The following KIAA1328 variants were observed in gnomAD, a reference collection of about 807,000 sequenced individuals.
The protein encoded by KIAA1328 is protein hinderin.
In KIAA1328, 52 loss-of-function variants were observed where a neutral mutation model predicts 68.1. The observed-to-expected ratio is 0.76, with a 90% confidence interval of 0.61 to 0.96. KIAA1328 has a LOEUF of 0.96. Ranked by LOEUF, KIAA1328 falls within the 40% of genes least tolerant of loss-of-function variation. KIAA1328 has a pLI of 0.00. For missense variants in KIAA1328, 641 were observed against 677.6 expected, an observed-to-expected ratio of 0.95 and a Z score of 0.60; for synonymous variants, 232 against 239.4, an observed-to-expected ratio of 0.97 and a Z score of 0.28.
chr18:36,947,082 T>G (rs1450355861), intron 5 of KIAA1328, among the ~76,000 whole-genome samples: 1 of 152,108 alleles, frequency 6.6e-6, no homozygotes, highest in African/African-American at 2.4e-5. Flanking sequence ...GAGAATCGCT[T>G]GAACTTGGGA....
intron 7 of KIAA1328, among the ~76,000 whole-genome samples, chr18:37,085,809 T>A (rs2057085432): frequency 1.3e-5 from 2 of 152,072 alleles, no homozygotes; most frequent in South Asian, 4.2e-4. Context: ...TTTTTCCCTC[T>A]CCTCCCTCTC....
At chr18:36,853,495 G>C (rs1340657967) in intron 4 of KIAA1328, among the ~76,000 whole-genome samples, 1 of 151,220 alleles carries the variant, frequency 6.6e-6, no homozygotes. Context: ...GGTTACCCTG[G>C]GGTTTACAGT....
intron 7 of KIAA1328, 101 bp downstream of exon 7, chr18:37,067,646 C>T (rs745862712): frequency 3.0e-5 from 38 of 1,249,122 alleles, no homozygotes; most frequent in African/African-American, 1.4e-4. Context: ...CTGCAGCCTC[C>T]GCCTCCCGAG....
chr18:36,917,313 G>T (rs764804967), intron 5 of KIAA1328, among the ~76,000 whole-genome samples: 1 of 152,224 alleles, frequency 6.6e-6, no homozygotes, highest in South Asian at 2.1e-4. Context: ...CACCCTGGCA[G>T]CTCAAGCAAT....
At chr18:37,016,149 CTTA>C (rs1321264087) in intron 6 of KIAA1328, among the ~76,000 whole-genome samples, 4 of 152,056 alleles carry the variant, frequency 2.6e-5, no homozygotes, top group African/African-American at 4.8e-5. Flanking sequence ...TTAGATAGCT[CTTA>C]TTATTTTGAG....
intron 9 of KIAA1328, among the ~76,000 whole-genome samples, chr18:37,179,923 A>G (rs1450688494): frequency 6.6e-6 from 1 of 152,028 alleles, no homozygotes; most frequent in Non-Finnish European, 1.5e-5. Context: ...TTCGTTTCCC[A>G]TATCACACTG....
chr18:37,007,976 A>G (rs756046333), intron 6 of KIAA1328, among the ~76,000 whole-genome samples: 34 of 152,184 alleles, frequency 2.2e-4, no homozygotes, highest in Non-Finnish European at 4.4e-4. Context: ...TTCAGTTGTG[A>G]AGGCAACAGT....
chr18:37,005,017 A>G (rs1184288148), intron 6 of KIAA1328, among the ~76,000 whole-genome samples: 1 of 152,068 alleles, frequency 6.6e-6, no homozygotes, highest in Non-Finnish European at 1.5e-5. Context: ...CAAATATTGT[A>G]TGTTCTTACT....
intron 7 of KIAA1328, chr18:37,075,022 C>T (rs1263085832): frequency 6.6e-6 from 1 of 151,742 alleles, no homozygotes; most frequent in East Asian, 1.9e-4. Context: ...CTCCAAGACA[C>T]ATAATTGTCA....
At chr18:37,100,964 C>G (rs2057594303) in intron 7 of KIAA1328, among the ~76,000 whole-genome samples, 1 of 152,194 alleles carries the variant, frequency 6.6e-6, no homozygotes. Context: ...AGGGTCCTGA[C>G]TGTTAGAAGG....
chr18:36,942,095 A>G (rs977272480), intron 5 of KIAA1328, among the ~76,000 whole-genome samples: 1 of 152,264 alleles, frequency 6.6e-6, no homozygotes, highest in Non-Finnish European at 1.5e-5. Flanking sequence ...AAAATGGTAT[A>G]GGGAAGGTTG....
At chr18:37,016,722 C>T (rs1377560182) in intron 6 of KIAA1328, among the ~76,000 whole-genome samples, 1 of 152,080 alleles carries the variant, frequency 6.6e-6, no homozygotes, top group Non-Finnish European at 1.5e-5. Flanking sequence ...GGAATTTCTC[C>T]ATTTCCTCTA....
chr18:37,004,457 G>T (rs555213795), intron 6 of KIAA1328, among the ~76,000 whole-genome samples: 2 of 152,098 alleles, frequency 1.3e-5, no homozygotes, highest in South Asian at 4.1e-4. Context: ...GACATGAATA[G>T]ACAATTCTCA....
At chr18:37,134,358 G>C (rs935415513) in intron 7 of KIAA1328, among the ~76,000 whole-genome samples, 1 of 151,962 alleles carries the variant, frequency 6.6e-6, no homozygotes, top group Non-Finnish European at 1.5e-5. Context: ...TATATAGGTC[G>C]TATCTGTTTA....
chr18:36,981,262 GAA>G (rs920965404), intron 6 of KIAA1328, among the ~76,000 whole-genome samples: 1 of 152,208 alleles, frequency 6.6e-6, no homozygotes, highest in African/African-American at 2.4e-5. Context: ...AATCAGAAAA[GAA>G]AGATCTAAGT....
chr18:37,043,141 G>T lies in KIAA1328; in HGVS notation c.577-23749G>T, dbSNP rs192134864. Among the ~76,000 whole-genome samples the T allele has an allele frequency of 5.6e-4, 85 of 152,072 alleles. No individual in the cohort carries two copies. In the East Asian group the frequency reaches 0.014, roughly 25 times the overall value. The stretch of plus-strand genomic sequence containing the variant: ...AGATTGTCTATTTGTTGCCATTGTT[G>T]TACTTACCTTTAATTCTTAAAATGT... On this transcript the variant is annotated intron_variant, in intron 6 of 9. Transcript: ENST00000280020.
rs2060291266 is a variant in KIAA1328, at chr18:37,210,223, A to G, written c.1524-11794A>G. Among the ~76,000 whole-genome samples the G allele has an allele frequency of 2.0e-5, 3 of 152,176 alleles. No homozygotes were observed. The South Asian group carries it at 6.2e-4, about 32-fold the overall frequency. ...TTCTTGAATTGGTAACGTGGAGTCA[A>G]GTCAAATCAGCAGAGGCTACGTCCT... On this transcript the variant is annotated intron_variant, in intron 9 of 9. Transcript: ENST00000280020.
At chr18:36,844,945 A>G (rs2046978081) in intron 4 of KIAA1328, among the ~76,000 whole-genome samples, 1 of 151,880 alleles carries the variant, frequency 6.6e-6, no homozygotes, top group Non-Finnish European at 1.5e-5. Context: ...CATACCTAAA[A>G]GTTGATAAAA....
chr18:36,844,362 A>G lies in KIAA1328; in HGVS notation c.332+60A>G, dbSNP rs868191771. 10 of 1,098,590 alleles carry G rather than the reference A, an allele frequency of 9.1e-6. No homozygotes were observed. In the Middle Eastern group the frequency reaches 8.3e-4, roughly 91 times the overall value. The allele number at this position is 1,098,590 out of a possible 1,614,324, so 68.1% of individuals were successfully genotyped here. ...ACAAAAGACAACTCTTATTGAAAAC[A>G]GAAAATTGCAAATATATTTTGATGA... On this transcript the variant is annotated intron_variant, in intron 4 of 9. Coordinates refer to ENST00000280020, the MANE Select transcript of KIAA1328 (RefSeq NM_020776.3).
Sources: allele counts gnomAD v4.1 joint callset (sites outside exome capture counted in the v4.1 genomes callset), GRCh38; gene constraint gnomAD v4.1.1; transcripts MANE v1.5; gene names NCBI Gene and HGNC (gene_info 2026-07-23, HGNC 2026-07-21).